Variants in ELMO1 observed in about 807,000 individuals in gnomAD.
The protein encoded by ELMO1 is engulfment and cell motility 1.
ELMO1 carries 26 observed loss-of-function variants against 98.9 expected under a neutral mutation model. The observed-to-expected ratio is 0.26, with a 90% CI of 0.19 to 0.36. The LOEUF (loss-of-function observed/expected upper bound fraction) is 0.36, where lower values mean the gene tolerates loss of function less well. Among genes scored for constraint, ELMO1 ranks in the 10% least tolerant of loss-of-function variants. The pLI, the probability that ELMO1 is intolerant of heterozygous loss-of-function variation, is 1.00. For missense variants in ELMO1, 627 were observed against 935.2 expected, an observed-to-expected ratio of 0.67 and a Z score of 4.30; for synonymous variants, 346 against 346.0, an observed-to-expected ratio of 1.00 and a Z score of 0.00.
intron 4 of ELMO1, among the ~76,000 whole-genome samples, chr7:37,311,397 C>T (rs1232462900): frequency 6.6e-6 from 1 of 151,644 alleles, no homozygotes; most frequent in African/African-American, 2.4e-5. Context: ...GAGACAGTCT[C>T]ATATATAAGG....
At chr7:36,886,428 G>C (rs900917620) in intron 18 of ELMO1, among the ~76,000 whole-genome samples, 12 of 152,196 alleles carry the variant, frequency 7.9e-5, no homozygotes, top group Admixed American at 5.9e-4. Context: ...GCCGGGGGAT[G>C]AGTTCAGCTG....
intron 14 of ELMO1, among the ~76,000 whole-genome samples, chr7:37,118,370 T>C (rs944321340): frequency 2.6e-5 from 4 of 152,184 alleles, no homozygotes; most frequent in Non-Finnish European, 4.4e-5. Context: ...CTCGTGTGAC[T>C]TTTTTCTTTA....
At chr7:36,862,728 T>C (rs1334385481) in intron 20 of ELMO1, among the ~76,000 whole-genome samples, 6 of 152,160 alleles carry the variant, frequency 3.9e-5, no homozygotes, top group Non-Finnish European at 7.4e-5. Flanking sequence ...GTGCCTTCCT[T>C]CTCTGTGCTT....
intron 13 of ELMO1, among the ~76,000 whole-genome samples, chr7:37,164,316 T>C (rs1232668156): frequency 6.6e-6 from 1 of 152,198 alleles, no homozygotes; most frequent in Non-Finnish European, 1.5e-5. Context: ...TAGTTTCTTT[T>C]GCTGTGCAGA....
intron 16 of ELMO1, among the ~76,000 whole-genome samples, chr7:37,001,552 C>CA (rs1235217504): frequency 6.6e-6 from 1 of 152,034 alleles, no homozygotes. Flanking sequence ...AGATATTTTC[C>CA]AAAAAATTTT....
At chr7:36,921,111 G>C (rs999438491) in intron 16 of ELMO1, among the ~76,000 whole-genome samples, 3 of 151,324 alleles carry the variant, frequency 2.0e-5, no homozygotes, top group Non-Finnish European at 2.9e-5. Context: ...GTGAGCCTTT[G>C]CCAGGCACCA....
At chr7:37,067,589 G>C (rs1490659482) in intron 15 of ELMO1, among the ~76,000 whole-genome samples, 1 of 152,134 alleles carries the variant, frequency 6.6e-6, no homozygotes, top group African/African-American at 2.4e-5. Context: ...GATGTCGAGA[G>C]AGATAATTTC....
chr7:37,113,345 T>A (rs1299419164), intron 14 of ELMO1, among the ~76,000 whole-genome samples: 1 of 152,340 alleles, frequency 6.6e-6, no homozygotes, highest in East Asian at 1.9e-4. Flanking sequence ...TGTGGTTTTA[T>A]GAGGTTTGCT....
At chr7:37,254,222 G>C (rs980759323) in intron 6 of ELMO1, among the ~76,000 whole-genome samples, 1 of 152,092 alleles carries the variant, frequency 6.6e-6, no homozygotes, top group Non-Finnish European at 1.5e-5. Context: ...CAGGAAGGGG[G>C]ACACCAAAGA....
intron 17 of ELMO1, among the ~76,000 whole-genome samples, chr7:36,889,348 A>T (rs1432880602): frequency 6.6e-6 from 1 of 152,182 alleles, no homozygotes; most frequent in Non-Finnish European, 1.5e-5. Context: ...TATTATCAGC[A>T]CTTAGCTCTA....
intron 14 of ELMO1, among the ~76,000 whole-genome samples, chr7:37,099,052 C>T (rs1784506409): frequency 6.6e-6 from 1 of 152,178 alleles, no homozygotes; most frequent in Admixed American, 6.5e-5. Context: ...GGAAACATTT[C>T]CAAGGCACAG....
At chr7:37,173,239 C>T (rs1204190094) in intron 13 of ELMO1, among the ~76,000 whole-genome samples, 1 of 152,186 alleles carries the variant, frequency 6.6e-6, no homozygotes, top group Non-Finnish European at 1.5e-5. Context: ...ATCCTGTATT[C>T]TCTGTCCTGG....
intron 16 of ELMO1, among the ~76,000 whole-genome samples, chr7:36,989,484 G>A (rs1217518539): frequency 6.6e-6 from 1 of 152,176 alleles, no homozygotes; most frequent in Non-Finnish European, 1.5e-5. Context: ...CACAGTTTAG[G>A]AACCACTGCT....
chr7:37,077,432 G>A (rs1797642509), intron 15 of ELMO1, among the ~76,000 whole-genome samples: 1 of 152,184 alleles, frequency 6.6e-6, no homozygotes, highest in African/African-American at 2.4e-5. Context: ...GCGTGGTGGT[G>A]TTGCAAAGAA....
At position 36,870,246 on chromosome 7, in the gene ELMO1, G is replaced by A. The variant is rs925799280; in HGVS notation, c.1905+147C>T. 11 of 631,742 alleles carry A rather than the reference G, an allele frequency of 1.7e-5. No individual in the cohort carries two copies. Among genetic ancestry groups the A allele is most frequent in the African/African-American group, 7.4e-5 (4 of 54,222 alleles). 39.1% of individuals were successfully genotyped at this position (631,742 alleles called of 1,614,324 possible). On this transcript the variant is annotated intron_variant, in intron 20 of 21. Coordinates refer to ENST00000310758, the MANE Select transcript of ELMO1 (RefSeq NM_014800.11). This position sits in a 1 kb window ranked among gnomAD's most constrained non-coding sequence, Gnocchi z 4.4. The stretch of plus-strand genomic sequence containing the variant: ...AAGGGTAAGAGACGTAAAAGGAATC[G>A]GGACAGGAAACAGGAGAGCTGAATA...
chr7:36,931,887 G>C (rs1584392320), intron 16 of ELMO1, among the ~76,000 whole-genome samples: 1 of 152,192 alleles, frequency 6.6e-6, no homozygotes, highest in South Asian at 2.1e-4. Context: ...AACACTAATT[G>C]AGCAAATTTT....
At chr7:36,976,004 G>C (rs2129139385) in intron 16 of ELMO1, among the ~76,000 whole-genome samples, 1 of 152,246 alleles carries the variant, frequency 6.6e-6, no homozygotes, top group African/African-American at 2.4e-5. Context: ...TCCTTGAATA[G>C]GGGTCAATAG....
intron 1 of ELMO1, among the ~76,000 whole-genome samples, chr7:37,389,142 C>G (rs1802952055): frequency 6.6e-6 from 1 of 152,180 alleles, no homozygotes; most frequent in African/African-American, 2.4e-5. Context: ...CTACTTTCCA[C>G]AGCAGCAAAT....
chr7:37,222,546 AGAGGGCGTTCTCTGCACACAAAGTTC>A, intron 10 of ELMO1, 43 bp downstream of exon 10: 1 of 1,458,328 alleles, frequency 6.9e-7, no homozygotes, highest in Non-Finnish European at 9.6e-7. Context: ...GAATAGAAGG[AGAGGGCGTTCTCTGCACACAAAGTTC>A]CTAGCCTTGA....
Sources: gnomAD v4.1 joint callset for allele counts (sites outside exome capture counted in the v4.1 genomes callset) on GRCh38, gnomAD v4.1.1 for gene constraint, Gnocchi (gnomAD v3.1) non-coding constraint, MANE v1.5 for transcripts, NCBI Gene and HGNC (gene_info 2026-07-23, HGNC 2026-07-21) for gene names.